The following TAFA5 variants were observed in gnomAD, a reference collection of about 807,000 sequenced individuals.
The protein encoded by TAFA5 is chemokine-like protein TAFA-5.
In TAFA5, 6 loss-of-function variants were observed where a neutral mutation model predicts 15.3. The ratio of observed to expected loss-of-function variants is 0.39; its 90% confidence interval spans 0.21 to 0.77. The LOEUF is 0.77. Ranked by LOEUF, TAFA5 falls within the 30% of genes least tolerant of loss-of-function variation. The pLI is 0.41. For missense variants in TAFA5, 161 were observed against 193.1 expected (o/e 0.83, Z 0.98); for synonymous variants, 103 against 80.7 (o/e 1.28, Z -1.48).
chr22:48,637,405 G>GT (rs1302860076), intron 1 of TAFA5, among the ~76,000 whole-genome samples: 1 of 152,198 alleles, frequency 6.6e-6, no homozygotes, highest in Non-Finnish European at 1.5e-5. Flanking sequence ...TTCGAAAGCG[G>GT]TTCCTGCTAA....
intron 1 of TAFA5, among the ~76,000 whole-genome samples, chr22:48,511,208 A>G (rs1243350593): frequency 6.6e-6 from 1 of 152,110 alleles, no homozygotes; most frequent in East Asian, 1.9e-4. Context: ...TCATGTGTGG[A>G]CAGGAGAGAG....
intron 3 of TAFA5, among the ~76,000 whole-genome samples, chr22:48,749,484 T>C (rs1443492809): frequency 6.6e-6 from 1 of 152,062 alleles, no homozygotes; most frequent in Non-Finnish European, 1.5e-5. Context: ...TTGAATTGGA[T>C]ACAGGGAATA....
At position 48,560,824 on chromosome 22, in the gene TAFA5, G is replaced by A. The variant is rs1282068245; in HGVS notation, c.112+71120G>A. ...GGGGTTTCACCGTGTTGGCCAGACT[G>A]GTCTTGAACTCCTGACCTCAGGTGA... On this transcript the variant is annotated intron_variant, in intron 1 of 3. Transcript: ENST00000402357. The surrounding 1 kb of genome is among the most constrained non-coding windows in gnomAD (Gnocchi z 4.2). Among the ~76,000 whole-genome samples the A allele has an allele frequency of 6.6e-6, 1 of 151,932 alleles. No individual in the cohort carries two copies. The highest frequency in any genetic ancestry group is 2.4e-5 in the African/African-American group (1 of 41,348).
chr22:48,535,432 T>C (rs984954648), intron 1 of TAFA5, among the ~76,000 whole-genome samples: 4 of 152,254 alleles, frequency 2.6e-5, no homozygotes, highest in South Asian at 2.1e-4. Context: ...CAGATGAGCA[T>C]TGAACACAAA....
chr22:48,653,168 G>A lies in TAFA5; in HGVS notation c.262+6422G>A, dbSNP rs566510502. ...GGCGTGTTATAAACGCTTGGCAAGCGGAGAGGCGCCTGGGGGCTGTTGGCG... is the reference window on the plus strand; with the variant it reads ...GGCGTGTTATAAACGCTTGGCAAGCAGAGAGGCGCCTGGGGGCTGTTGGCG... On this transcript the variant is annotated intron_variant, in intron 2 of 3. Transcript: ENST00000402357. 3.9e-5 allele frequency among the ~76,000 whole-genome samples: 6 copies of A among 152,344 alleles called. No individual in the cohort carries two copies. The East Asian group carries it at 7.7e-4, about 20-fold the overall frequency.
chr22:48,588,192 G>A (rs1260088329), intron 1 of TAFA5, among the ~76,000 whole-genome samples: 1 of 152,222 alleles, frequency 6.6e-6, no homozygotes, highest in Non-Finnish European at 1.5e-5. Context: ...GAGCCCCTGG[G>A]GCTGAGCACA....
intron 1 of TAFA5, among the ~76,000 whole-genome samples, chr22:48,632,430 A>C (rs1037341909): frequency 3.5e-4 from 53 of 150,528 alleles, no homozygotes; most frequent in African/African-American, 1.3e-3. Context: ...CTTTGGTGCC[A>C]AGTTTTGGGG....
rs1231593517 is a variant in TAFA5, at chr22:48,751,292, C to T, written c.*1445C>T. The T allele has an allele frequency of 1.3e-5, 2 of 152,468 alleles. No homozygotes were observed. Among genetic ancestry groups the T allele is most frequent in the South Asian group, 4.1e-4 (2 of 4,834 alleles). 9.4% of individuals were successfully genotyped at this position (152,468 alleles called of 1,614,324 possible). On this transcript the variant is annotated 3_prime_UTR_variant, in exon 4 of 4. Transcript: ENST00000402357. ...CGCGTTCTGAGAAGTCCTCTGTCTT[C>T]GTGTCACTAGGTCCAGAAAGTCGCG...
At position 48,566,740 on chromosome 22, in the gene TAFA5, G is replaced by GGT. The variant is rs1375432444; in HGVS notation, c.112+77040_112+77041dup. Among the ~76,000 whole-genome samples, 1 of 152,142 alleles carries GGT rather than the reference G, an allele frequency of 6.6e-6. No homozygotes were observed. Among genetic ancestry groups the GGT allele is most frequent in the African/African-American group, 2.4e-5 (1 of 41,414 alleles). ...ACTAAACGGGGTGAGGTGTGTAAAG[G>GGT]GTGTGGCCTGTAGAGAACCCAGCCC... On this transcript the variant is annotated intron_variant, in intron 1 of 3. Coordinates refer to ENST00000402357, the MANE Select transcript of TAFA5 (RefSeq NM_001082967.3). The surrounding 1 kb of genome is among the most constrained non-coding windows in gnomAD (Gnocchi z 4.5).
Position 48,655,877 on chromosome 22 carries a change from T to A in TAFA5, c.262+9131T>A, listed in dbSNP as rs1001197377. Among the ~76,000 whole-genome samples the A allele has an allele frequency of 2.1e-5, 3 of 144,204 alleles. No homozygotes were observed. The East Asian group carries it at 6.8e-4, about 33-fold the overall frequency. The allele number at this position is 144,204 out of a possible 152,430, so 94.6% of individuals were successfully genotyped here. A position where few individuals can be genotyped will look rare whatever the true frequency, so the allele number is the denominator to read the frequency against. On this transcript the variant is annotated intron_variant, in intron 2 of 3. Coordinates refer to ENST00000402357, the MANE Select transcript of TAFA5 (RefSeq NM_001082967.3). ...TTTTTTGAGACAGAGTCTCGCTCTG[T>A]TACCCAGGCTGGAGTGCAGTGGCGC...
chr22:48,584,694 C>T (rs1385739968), intron 1 of TAFA5, among the ~76,000 whole-genome samples: 1 of 148,662 alleles, frequency 6.7e-6, no homozygotes, highest in African/African-American at 2.5e-5. Flanking sequence ...ACCACAAACA[C>T]ACACCACACA....
At chr22:48,607,237 G>C (rs28666611) in intron 1 of TAFA5, among the ~76,000 whole-genome samples, 5,753 of 128,258 alleles carry the variant, frequency 0.045, 183 homozygotes, top group African/African-American at 0.059. Context: ...GTCTGTCCCG[G>C]GTTCTGATTA....
At chr22:48,630,781 G>A (rs997758748) in intron 1 of TAFA5, among the ~76,000 whole-genome samples, 1 of 142,182 alleles carries the variant, frequency 7.0e-6, no homozygotes, top group African/African-American at 2.7e-5. Context: ...GCTGGGGAAG[G>A]AAGCTGGGCA....
At chr22:48,533,352 C>A (rs995093095) in intron 1 of TAFA5, among the ~76,000 whole-genome samples, 1 of 152,196 alleles carries the variant, frequency 6.6e-6, no homozygotes, top group Non-Finnish European at 1.5e-5. Context: ...CCTGTGTCTG[C>A]AGAAGGCGAC....
intron 3 of TAFA5, among the ~76,000 whole-genome samples, chr22:48,739,485 G>A (rs1310763887): frequency 1.3e-5 from 2 of 152,152 alleles, no homozygotes; most frequent in Non-Finnish European, 2.9e-5. Context: ...GCGAATGCCT[G>A]TGCACACTAA....
intron 1 of TAFA5, among the ~76,000 whole-genome samples, chr22:48,594,012 C>T (rs962676184): frequency 1.3e-5 from 2 of 152,198 alleles, no homozygotes; most frequent in African/African-American, 2.4e-5. Context: ...ATTATGGTTT[C>T]CGGGGAGACC....
rs143199189 is a variant in TAFA5 at position 48,687,130 on chromosome 22, G to A, written c.263-20587G>A. Among the ~76,000 whole-genome samples the A allele has an allele frequency of 3.1e-3, 474 of 151,836 alleles. 1 individual carries two copies. Among genetic ancestry groups the A allele is most frequent in the Non-Finnish European group, 5.2e-3 (350 of 67,908 alleles). ...TGGATGGATGTTTGAATGGATAGGT[G>A]GATAGATAGGTGGATGGATGGATTG... On this transcript the variant is annotated intron_variant, in intron 2 of 3. Transcript: ENST00000402357.
intron 1 of TAFA5, among the ~76,000 whole-genome samples, chr22:48,543,044 T>G (rs1009064628): frequency 1.5e-4 from 23 of 151,934 alleles, no homozygotes; most frequent in African/African-American, 5.1e-4. Flanking sequence ...GGGACCCCGA[T>G]CTGGCAGTGT....
At position 48,592,602 on chromosome 22, in the gene TAFA5, G is replaced by A. The variant is rs79880800; in HGVS notation, c.113-53995G>A. Reference sequence around the variant, plus strand: ...TCGTTTCTCTTTTCATCTCTGGGGCGCACTCCTCTGCGCTCTGCCTGTCTG... The same window carrying A: ...TCGTTTCTCTTTTCATCTCTGGGGCACACTCCTCTGCGCTCTGCCTGTCTG... On this transcript the variant is annotated intron_variant, in intron 1 of 3. Coordinates refer to ENST00000402357, the MANE Select transcript of TAFA5 (RefSeq NM_001082967.3). Among the ~76,000 whole-genome samples the A allele has an allele frequency of 6.0e-3, 914 of 152,254 alleles. 9 individuals are homozygous for A. Among genetic ancestry groups the A allele is most frequent in the African/African-American group, 0.021 (888 of 41,538 alleles).
Sources: gnomAD v4.1 joint callset for allele counts (sites outside exome capture counted in the v4.1 genomes callset) on GRCh38, gnomAD v4.1.1 for gene constraint, Gnocchi (gnomAD v3.1) non-coding constraint, MANE v1.5 for transcripts, NCBI Gene and HGNC (gene_info 2026-07-23, HGNC 2026-07-21) for gene names.